Variants in SCAF8 observed in about 807,000 individuals in gnomAD.
The protein encoded by SCAF8 is SR-related CTD associated factor 8, also known as SR-related and CTD-associated factor 8.
A neutral mutation model predicts 140.5 loss-of-function variants in SCAF8; 23 were observed. The ratio of observed to expected loss-of-function variants is 0.16; its 90% confidence interval spans 0.12 to 0.23. SCAF8 has a LOEUF of 0.23. Ranked by LOEUF, SCAF8 falls within the 10% of genes least tolerant of loss-of-function variation. The probability of loss-of-function intolerance (pLI) is 1.00; values close to 1 mark genes in which losing one functional copy is unlikely to be tolerated. For synonymous variants in SCAF8, 575 were observed against 528.9 expected (o/e 1.09, Z -1.20); for missense variants, 1,397 against 1,555.7 (o/e 0.90, Z 1.72).
intron 1 of SCAF8, among the ~76,000 whole-genome samples, chr6:154,767,595 A>G (rs1776618911): frequency 7.5e-6 from 1 of 132,818 alleles, no homozygotes; most frequent in African/African-American, 2.9e-5. Context: ...GCTGGAGTGC[A>G]GTGGCACAGT....
chr6:154,774,117 TA>T, intron 2 of SCAF8, 45 bp downstream of exon 2: 1 of 1,247,966 alleles, frequency 8.0e-7, no homozygotes, highest in East Asian at 2.3e-5. Context: ...GAAAAAACTA[TA>T]TTAATAGTTT....
chr6:154,788,481 G>A (rs1418071064), intron 4 of SCAF8, among the ~76,000 whole-genome samples: 2 of 151,990 alleles, frequency 1.3e-5, no homozygotes, highest in Non-Finnish European at 2.9e-5. Flanking sequence ...TAATTATTAC[G>A]GTATCCATAT....
chr6:154,793,054 T>C, intron 5 of SCAF8, 78 bp downstream of exon 5: 1 of 1,201,550 alleles, frequency 8.3e-7, no homozygotes, highest in Middle Eastern at 2.0e-4. Flanking sequence ...TAAAAAATAA[T>C]TCGACAGTGC....
chr6:154,806,255 A>G (rs1013791862), intron 9 of SCAF8, among the ~76,000 whole-genome samples: 3 of 152,202 alleles, frequency 2.0e-5, no homozygotes, highest in African/African-American at 7.2e-5. Context: ...AAATATGTTA[A>G]GTTGTAGAGC....
intron 1 of SCAF8, among the ~76,000 whole-genome samples, chr6:154,748,301 T>C (rs1778755338): frequency 6.6e-6 from 1 of 152,226 alleles, no homozygotes; most frequent in African/African-American, 2.4e-5. Flanking sequence ...AAGGCTTTAA[T>C]GAATAAATGA....
At position 154,815,836 on chromosome 6, in the gene SCAF8, A is replaced by G; in HGVS notation, c.1521+20A>G. 1 of 1,496,434 alleles carries G rather than the reference A, an allele frequency of 6.7e-7. No individual in the cohort carries two copies. The highest frequency in any genetic ancestry group is 9.3e-7 in the Non-Finnish European group (1 of 1,075,498). 92.7% of individuals were successfully genotyped at this position (1,496,434 alleles called of 1,614,324 possible). On this transcript the variant is annotated intron_variant, in intron 13 of 19. Coordinates refer to ENST00000367178, the MANE Select transcript of SCAF8 (RefSeq NM_014892.5). Reference sequence around the variant, plus strand: ...ATTAATGCAAGTATCAGTTCTTAATAATTTAAGGTTTTAAAAAAGGAGGTT... The same window carrying G: ...ATTAATGCAAGTATCAGTTCTTAATGATTTAAGGTTTTAAAAAAGGAGGTT...
rs545541119 is a variant in SCAF8 at position 154,828,062 on chromosome 6, G to C, written c.2140+822G>C. 2.6e-5 allele frequency among the ~76,000 whole-genome samples: 4 copies of C among 152,110 alleles called. No homozygotes were observed. The South Asian group carries it at 8.3e-4, about 32-fold the overall frequency. On this transcript the variant is annotated intron_variant, in intron 18 of 19. Transcript: ENST00000367178. ...TTAGTTTGCATTTTGATTCACTCTT[G>C]GTGTTTTGTTCCCCTTTTAATGATG...
intron 5 of SCAF8, 71 bp downstream of exon 5, chr6:154,793,047 A>G: frequency 7.8e-7 from 1 of 1,285,140 alleles, no homozygotes; most frequent in Non-Finnish European, 1.0e-6. Context: ...GTTCATATAA[A>G]AAATAATTCG....
At chr6:154,813,720 A>G (rs1583059524) in intron 12 of SCAF8, among the ~76,000 whole-genome samples, 1 of 152,200 alleles carries the variant, frequency 6.6e-6, no homozygotes, top group East Asian at 1.9e-4. Flanking sequence ...AGGTGGGGAG[A>G]TGAACCTGGA....
chr6:154,797,427 G>A (rs954999367), intron 6 of SCAF8, among the ~76,000 whole-genome samples: 2 of 150,582 alleles, frequency 1.3e-5, no homozygotes, highest in African/African-American at 4.9e-5. Flanking sequence ...ACGGAGTCTC[G>A]CTGTGTCACC....
intron 1 of SCAF8, among the ~76,000 whole-genome samples, chr6:154,773,707 C>G (rs1776839638): frequency 6.6e-6 from 1 of 152,190 alleles, no homozygotes; most frequent in South Asian, 2.1e-4. Flanking sequence ...AAAGCTGCTG[C>G]AACATTTTAC....
intron 18 of SCAF8, among the ~76,000 whole-genome samples, chr6:154,828,835 T>G (rs1489896582): frequency 1.3e-5 from 2 of 152,224 alleles, no homozygotes; most frequent in Non-Finnish European, 2.9e-5. Context: ...ATTAAAGAAA[T>G]TAGCTACTTT....
chr6:154,782,896 G>C (rs1171468523), intron 3 of SCAF8, among the ~76,000 whole-genome samples: 5 of 151,980 alleles, frequency 3.3e-5, no homozygotes, highest in African/African-American at 1.2e-4. Flanking sequence ...ACCTTCCCCT[G>C]CTCACTGACT....
At chr6:154,751,519 C>T (rs1205762130) in intron 1 of SCAF8, among the ~76,000 whole-genome samples, 3 of 152,070 alleles carry the variant, frequency 2.0e-5, no homozygotes, top group Admixed American at 6.6e-5. Context: ...TGAGCCATCG[C>T]GCCCGGCCAA....
intron 1 of SCAF8, among the ~76,000 whole-genome samples, chr6:154,737,745 G>A (rs1370294678): frequency 6.6e-6 from 1 of 151,984 alleles, no homozygotes; most frequent in African/African-American, 2.4e-5. Context: ...CACCACGCCG[G>A]GCTAATTGTT....
intron 5 of SCAF8, among the ~76,000 whole-genome samples, chr6:154,794,779 GGGTGT>G (rs1777544156): frequency 3.8e-5 from 1 of 26,378 alleles, no homozygotes; most frequent in Non-Finnish European, 7.2e-5. Flanking sequence ...GGGGTGTGGG[GGGTGT>G]GTGTGTGTGT....
At chr6:154,741,448 C>T (rs574458234) in intron 1 of SCAF8, among the ~76,000 whole-genome samples, 2 of 152,104 alleles carry the variant, frequency 1.3e-5, no homozygotes, top group Admixed American at 1.3e-4. Context: ...GCTTCTTCGC[C>T]CGGGCTGGAG....
At chr6:154,806,966 C>A (rs1777935425) in intron 9 of SCAF8, among the ~76,000 whole-genome samples, 1 of 152,140 alleles carries the variant, frequency 6.6e-6, no homozygotes, top group Non-Finnish European at 1.5e-5. Flanking sequence ...CACAGAACTG[C>A]TAAGAGAGGC....
chr6:154,776,458 T>G (rs1007164633), intron 2 of SCAF8, among the ~76,000 whole-genome samples: 2 of 152,184 alleles, frequency 1.3e-5, no homozygotes, highest in Non-Finnish European at 2.9e-5. Flanking sequence ...AAACCTATTG[T>G]GGAAGAAGGC....
Sources: gnomAD v4.1 joint callset for allele counts (sites outside exome capture counted in the v4.1 genomes callset) on GRCh38, gnomAD v4.1.1 for gene constraint, MANE v1.5 for transcripts, NCBI Gene and HGNC (gene_info 2026-07-23, HGNC 2026-07-21) for gene names.